The following WASL variants were observed in gnomAD, a reference collection of about 807,000 sequenced individuals.
WASL encodes actin nucleation-promoting factor WASL.
A neutral mutation model predicts 55.5 loss-of-function variants in WASL; 20 were observed. The observed-to-expected ratio is 0.36, with a 90% CI of 0.25 to 0.52. The LOEUF (loss-of-function observed/expected upper bound fraction) is 0.52, where lower values mean the gene tolerates loss of function less well. WASL is among the 20% of genes least tolerant of loss of function. The pLI is 0.92. For synonymous variants in WASL, 249 were observed against 217.6 expected, an observed-to-expected ratio of 1.14 and a Z score of -1.27; for missense variants, 504 against 622.5, an observed-to-expected ratio of 0.81 and a Z score of 2.03.
chr7:123,748,547 C>T, intron 1 of WASL, 71 bp downstream of exon 1: 3 of 1,542,390 alleles, frequency 1.9e-6, no homozygotes, highest in Non-Finnish European at 1.8e-6. Flanking sequence ...TCCCCACTCC[C>T]ACTTCCCGGC....
At chr7:123,715,751 T>C (rs1406739817) in intron 1 of WASL, among the ~76,000 whole-genome samples, 4 of 152,208 alleles carry the variant, frequency 2.6e-5, no homozygotes, top group Admixed American at 2.0e-4. Flanking sequence ...ACCAATCTTA[T>C]ATACTGCCTA....
At chr7:123,697,197 A>C (rs921331910) in intron 5 of WASL, among the ~76,000 whole-genome samples, 53 of 152,320 alleles carry the variant, frequency 3.5e-4, no homozygotes, top group African/African-American at 1.1e-3. Context: ...TTATTAGTCA[A>C]GAAGAAAAAG....
At chr7:123,739,724 T>TA (rs1452457301) in intron 1 of WASL, among the ~76,000 whole-genome samples, 2 of 152,280 alleles carry the variant, frequency 1.3e-5, no homozygotes, top group East Asian at 3.9e-4. Flanking sequence ...TATCAGGACA[T>TA]AATCCATCAT....
At chr7:123,730,234 G>C (rs1804115067) in intron 1 of WASL, among the ~76,000 whole-genome samples, 1 of 152,050 alleles carries the variant, frequency 6.6e-6, no homozygotes, top group African/African-American at 2.4e-5. Context: ...AAATGATAGA[G>C]GTCAGAAACT....
At chr7:123,726,509 G>GA (rs369294385) in intron 1 of WASL, among the ~76,000 whole-genome samples, 182 of 146,508 alleles carry the variant, frequency 1.2e-3, no homozygotes, top group African/African-American at 4.1e-3. Flanking sequence ...AAAGGTTAAA[G>GA]AAAAAAAAAA....
At position 123,748,723 on chromosome 7, in the gene WASL, G is replaced by T. The variant is rs993075530; in HGVS notation, c.12C>A (p.Val4=). 4.4e-6 allele frequency: 7 copies of T among 1,591,972 alleles called. No homozygotes were observed. Among genetic ancestry groups the T allele is most frequent in the Admixed American group, 1.7e-5 (1 of 57,808 alleles). ...TCCGCGGCGGCGGCGGCTGCTGCTGGACGGAGCTCATGGTTTCGCCGGCGG... is the reference window on the plus strand; with the variant it reads ...TCCGCGGCGGCGGCGGCTGCTGCTGTACGGAGCTCATGGTTTCGCCGGCGG... The part of the protein sequence containing the change: MSS[V]QQQPPPPRRV... The change falls in exon 1 of 11, where the codon GTC becomes GTA. Residue 4 remains valine, a synonymous_variant. Coordinates refer to ENST00000223023, the MANE Select transcript of WASL (RefSeq NM_003941.4).
chr7:123,711,374 C>T (rs1404965927), intron 1 of WASL, among the ~76,000 whole-genome samples: 4 of 151,928 alleles, frequency 2.6e-5, no homozygotes, highest in Non-Finnish European at 5.9e-5. Flanking sequence ...ACTAACAATG[C>T]TATAATTTTT....
At chr7:123,724,652 C>G (rs1269501801) in intron 1 of WASL, among the ~76,000 whole-genome samples, 1 of 152,086 alleles carries the variant, frequency 6.6e-6, no homozygotes, top group African/African-American at 2.4e-5. Context: ...CCGGATTGAA[C>G]TGAGAGGGGT....
At chr7:123,720,689 C>G (rs529037598) in intron 1 of WASL, among the ~76,000 whole-genome samples, 1 of 144,774 alleles carries the variant, frequency 6.9e-6, no homozygotes, top group Admixed American at 7.0e-5. Context: ...CTCATTCTCT[C>G]GCCCAGGCTG....
chr7:123,687,179 C>G (rs566533960), intron 10 of WASL, among the ~76,000 whole-genome samples: 1 of 152,218 alleles, frequency 6.6e-6, no homozygotes, highest in African/African-American at 2.4e-5. Context: ...CAGTGATCTC[C>G]ACATTCAAAA....
At chr7:123,719,826 T>C (rs1803907850) in intron 1 of WASL, among the ~76,000 whole-genome samples, 1 of 151,782 alleles carries the variant, frequency 6.6e-6, no homozygotes, top group African/African-American at 2.4e-5. Flanking sequence ...TGGTAAATTC[T>C]TTTTACCACC....
chr7:123,718,536 T>C (rs897728666), intron 1 of WASL, among the ~76,000 whole-genome samples: 1 of 152,260 alleles, frequency 6.6e-6, no homozygotes, highest in South Asian at 2.1e-4. Flanking sequence ...GAGTCTTCTA[T>C]ATTCAATGTT....
chr7:123,721,782 G>A (rs761843350), intron 1 of WASL, among the ~76,000 whole-genome samples: 1 of 152,092 alleles, frequency 6.6e-6, no homozygotes, highest in Non-Finnish European at 1.5e-5. Context: ...GCGTGGTGGC[G>A]GGCGCCTGTA....
At chr7:123,686,145 A>C (rs1484706277) in intron 10 of WASL, among the ~76,000 whole-genome samples, 2 of 151,584 alleles carry the variant, frequency 1.3e-5, no homozygotes, top group Admixed American at 6.6e-5. Flanking sequence ...GAGAAGCAAC[A>C]TTATCTTCTC....
intron 1 of WASL, among the ~76,000 whole-genome samples, chr7:123,740,665 G>T (rs1345041907): frequency 2.0e-5 from 3 of 151,832 alleles, no homozygotes; most frequent in Non-Finnish European, 4.4e-5. Context: ...CCCTCATCAT[G>T]GCTTACTGCA....
intron 1 of WASL, among the ~76,000 whole-genome samples, chr7:123,714,006 C>G (rs1803799477): frequency 1.3e-5 from 2 of 152,236 alleles, no homozygotes; most frequent in Admixed American, 1.3e-4. Flanking sequence ...CCCATGGATA[C>G]TAAGAGATGA....
At chr7:123,687,248 A>G (rs1397072140) in intron 10 of WASL, among the ~76,000 whole-genome samples, 1 of 151,966 alleles carries the variant, frequency 6.6e-6, no homozygotes, top group Non-Finnish European at 1.5e-5. Flanking sequence ...AGCCTCCATC[A>G]CCTCTTGCTT....
At chr7:123,728,060 C>A (rs1207900661) in intron 1 of WASL, among the ~76,000 whole-genome samples, 1 of 152,162 alleles carries the variant, frequency 6.6e-6, no homozygotes, top group African/African-American at 2.4e-5. Flanking sequence ...CTGCTGTATT[C>A]ATCATCTCAG....
chr7:123,688,973 CA>C (rs1286844411), intron 10 of WASL, 68 bp downstream of exon 10: 8 of 1,346,762 alleles, frequency 5.9e-6, no homozygotes, highest in Non-Finnish European at 7.3e-6. Flanking sequence ...GTCAAACATT[CA>C]AATTTATTAA....
Sources: gnomAD v4.1 joint callset for allele counts (sites outside exome capture counted in the v4.1 genomes callset) on GRCh38, gnomAD v4.1.1 for gene constraint, MANE v1.5 for transcripts, NCBI Gene and HGNC (gene_info 2026-07-23, HGNC 2026-07-21) for gene names.